Variants in TRAF3IP1 observed in about 807,000 individuals in gnomAD.
TRAF3IP1 encodes intraflagellar transport 54.
Under a neutral mutation model 89.9 loss-of-function variants are expected in TRAF3IP1, and 53 were observed. The observed-to-expected ratio is 0.59, with a 90% CI of 0.47 to 0.74. The LOEUF is 0.74. Among genes scored for constraint, TRAF3IP1 ranks in the 30% least tolerant of loss-of-function variants. TRAF3IP1 has a pLI of 0.00. For synonymous variants in TRAF3IP1, 311 were observed against 322.1 expected (o/e 0.97, Z 0.37); for missense variants, 806 against 866.1 (o/e 0.93, Z 0.87).
intron 7 of TRAF3IP1, 109 bp downstream of exon 7, chr2:238,334,144 C>G: frequency 1.2e-6 from 1 of 826,032 alleles, no homozygotes; most frequent in South Asian, 1.7e-5. Context: ...GGAAAACAGA[C>G]TTGCTGTGTC....
chr2:238,326,719 C>T (rs549698056), intron 3 of TRAF3IP1, among the ~76,000 whole-genome samples: 1 of 152,036 alleles, frequency 6.6e-6, no homozygotes, highest in East Asian at 1.9e-4. Flanking sequence ...TTTTCACATA[C>T]CTAGTGGGTG....
chr2:238,392,072 A>G (rs1287191018), intron 15 of TRAF3IP1, among the ~76,000 whole-genome samples: 1 of 152,222 alleles, frequency 6.6e-6, no homozygotes, highest in Non-Finnish European at 1.5e-5. Flanking sequence ...ATATCCAGTT[A>G]TAAGAAATAA....
At position 238,348,850 on chromosome 2, in the gene TRAF3IP1, T is replaced by TC. The variant is rs1409039694; in HGVS notation, c.1367+3dup. ...TAATGAGCTTTCATCCAACATCAGG[T>TC]CTGTGTGCTTTGAATCCCTTTCCCT... is the stretch of plus-strand genomic sequence containing the variant. On this transcript the variant is annotated splice_region_variant and intron_variant, in intron 11 of 16. Coordinates refer to ENST00000373327, the MANE Select transcript of TRAF3IP1 (RefSeq NM_015650.4). 4 of 1,613,760 alleles carry TC rather than the reference T, an allele frequency of 2.5e-6. No individual in the cohort carries two copies. Among genetic ancestry groups the TC allele is most frequent in the Middle Eastern group, 1.7e-4 (1 of 6,060 alleles).
At chr2:238,394,521 C>T (rs1247308743) in intron 15 of TRAF3IP1, among the ~76,000 whole-genome samples, 2 of 152,166 alleles carry the variant, frequency 1.3e-5, no homozygotes, top group African/African-American at 4.8e-5. Context: ...AGATTTACAA[C>T]TAAGGATAGT....
At position 238,366,719 on chromosome 2, in the gene TRAF3IP1, T is replaced by TA. The variant is rs762790497; in HGVS notation, c.1689+10648dup. 1.7e-3 allele frequency among the ~76,000 whole-genome samples: 260 copies of TA among 151,808 alleles called. 1 individual carries two copies. The highest frequency in any genetic ancestry group is 0.01 in the Middle Eastern group (3 of 294). ...CCAGTACCCTTTTCTGTGCTTTGCA[T>TA]AAAAAAAAATCTTTATTTTTGATTG... On this transcript the variant is annotated intron_variant, in intron 15 of 16. Coordinates refer to ENST00000373327, the MANE Select transcript of TRAF3IP1 (RefSeq NM_015650.4).
intron 1 of TRAF3IP1, among the ~76,000 whole-genome samples, chr2:238,324,412 A>G (rs1402217466): frequency 6.6e-6 from 1 of 151,850 alleles, no homozygotes; most frequent in East Asian, 1.9e-4. Context: ...ATTGCACCTG[A>G]AGGACTCTTG....
In TRAF3IP1 at chr2:238,320,582, C is replaced by T. The variant is rs1697469107; in HGVS notation, c.-81C>T. 2 of 1,079,240 alleles carry T rather than the reference C, an allele frequency of 1.9e-6. No homozygotes were observed. The highest frequency in any genetic ancestry group is 2.2e-6 in the Non-Finnish European group (2 of 889,894). The allele number at this position is 1,079,240 out of a possible 1,614,324, so 66.9% of individuals were successfully genotyped here. A position where few individuals can be genotyped will look rare whatever the true frequency, so the allele number is the denominator to read the frequency against. On this transcript the variant is annotated 5_prime_UTR_variant, in exon 1 of 17. Transcript: ENST00000373327. Reference sequence around the variant, plus strand: ...GACCGGGCGGCGGCGGCGGCGGGGCCGGCGGCGGCCAGGGACCCGGGCTTA... The same window carrying T: ...GACCGGGCGGCGGCGGCGGCGGGGCTGGCGGCGGCCAGGGACCCGGGCTTA...
intron 15 of TRAF3IP1, among the ~76,000 whole-genome samples, chr2:238,362,654 A>G (rs895279925): frequency 6.6e-6 from 1 of 152,278 alleles, no homozygotes; most frequent in African/African-American, 2.4e-5. Flanking sequence ...GCTAGAACTT[A>G]GTCACAAAGG....
intron 15 of TRAF3IP1, among the ~76,000 whole-genome samples, chr2:238,393,349 G>C (rs149869908): frequency 6.6e-6 from 1 of 152,168 alleles, no homozygotes; most frequent in African/African-American, 2.4e-5. Context: ...TCAGTGAAAT[G>C]TGTCTTTTGC....
intron 15 of TRAF3IP1, among the ~76,000 whole-genome samples, chr2:238,373,565 G>A (rs1413154659): frequency 7.2e-5 from 11 of 152,156 alleles, no homozygotes; most frequent in African/African-American, 1.4e-4. Flanking sequence ...GTCAGGTAGC[G>A]TGATGCCTCC....
chr2:238,380,190 A>C (rs552257903), intron 15 of TRAF3IP1, among the ~76,000 whole-genome samples: 7 of 152,250 alleles, frequency 4.6e-5, no homozygotes, highest in Non-Finnish European at 8.8e-5. Context: ...GTCTCTGGGC[A>C]GGTGCTGGCG....
Position 238,374,897 on chromosome 2 carries a change from A to G in TRAF3IP1, c.1689+18817A>G, listed in dbSNP as rs572730974. Among the ~76,000 whole-genome samples, 20 of 151,552 alleles carry G rather than the reference A, an allele frequency of 1.3e-4. No individual in the cohort carries two copies. In the East Asian group the frequency reaches 3.7e-3, roughly 28 times the overall value. On this transcript the variant is annotated intron_variant, in intron 15 of 16. Coordinates refer to ENST00000373327, the MANE Select transcript of TRAF3IP1 (RefSeq NM_015650.4). The stretch of plus-strand genomic sequence containing the variant: ...CCAGGAATTTATCTATTTTTTCTAG[A>G]TTTTCTAGTTTATTTGTGTAGAGGT...
chr2:238,397,647 G>A lies in TRAF3IP1; in HGVS notation c.1878G>A (p.Arg626=), dbSNP rs750277603. Reference sequence around the variant, plus strand: ...TGCAGATGTGGCACAGCGAGAACAGGCAGCACGCCGAGGCCCTGCAGCAGG... The same window carrying A: ...TGCAGATGTGGCACAGCGAGAACAGACAGCACGCCGAGGCCCTGCAGCAGG... The part of the protein sequence containing the change: ...NELQMWHSEN[R]QHAEALQQEQ... The change falls in exon 16 of 17, where the codon AGG becomes AGA. Residue 626 remains arginine (R), a synonymous_variant. Coordinates refer to ENST00000373327, the MANE Select transcript of TRAF3IP1 (RefSeq NM_015650.4). 3.7e-6 allele frequency: 6 copies of A among 1,610,748 alleles called. No homozygotes were observed. Among genetic ancestry groups the A allele is most frequent in the East Asian group, 2.2e-5 (1 of 44,814 alleles).
At position 238,320,537 on chromosome 2, in the gene TRAF3IP1, G is replaced by T. The variant is rs570094849; in HGVS notation, c.-126G>T. 2.0e-6 allele frequency: 2 copies of T among 1,017,466 alleles called. No individual in the cohort carries two copies. Among genetic ancestry groups the T allele is most frequent in the Non-Finnish European group, 2.4e-6 (2 of 850,622 alleles). The allele number at this position is 1,017,466 out of a possible 1,614,324, so 63.0% of individuals were successfully genotyped here. A position where few individuals can be genotyped will look rare whatever the true frequency, so the allele number is the denominator to read the frequency against. ...TCCGGTGCACTGTGGGATGGAAACC[G>T]GAGCGGCGCGTCCTGGCAGGACCGG... On this transcript the variant is annotated 5_prime_UTR_variant, in exon 1 of 17. The change creates a premature stop within an existing upstream ORF in the 5' untranslated region. Transcript: ENST00000373327.
chr2:238,347,140 C>A, intron 9 of TRAF3IP1: 1 of 308,230 alleles, frequency 3.2e-6, no homozygotes, highest in Non-Finnish European at 6.0e-6. Context: ...TTCTGTGGCT[C>A]TGGCTTTGTC....
At chr2:238,387,737 TA>T (rs1423074872) in intron 15 of TRAF3IP1, among the ~76,000 whole-genome samples, 2 of 152,228 alleles carry the variant, frequency 1.3e-5, no homozygotes, top group Non-Finnish European at 2.9e-5. Flanking sequence ...AATAAAACAC[TA>T]TTCAGAAACG....
intron 15 of TRAF3IP1, among the ~76,000 whole-genome samples, chr2:238,359,821 T>A (rs191978819): frequency 1.6e-3 from 243 of 152,324 alleles, no homozygotes; most frequent in Middle Eastern, 3.4e-3. Flanking sequence ...AAACCCTGTA[T>A]ATACCATGTT....
intron 15 of TRAF3IP1, among the ~76,000 whole-genome samples, chr2:238,388,924 C>T (rs543085787): frequency 6.6e-5 from 10 of 152,312 alleles, no homozygotes; most frequent in African/African-American, 1.9e-4. Flanking sequence ...TGAGCCACTG[C>T]GCCCAGCCTA....
At chr2:238,371,188 A>G (rs1700097143) in intron 15 of TRAF3IP1, among the ~76,000 whole-genome samples, 1 of 152,214 alleles carries the variant, frequency 6.6e-6, no homozygotes, top group Non-Finnish European at 1.5e-5. Context: ...TTGACCTTCT[A>G]TGAGTCTGCA....
Sources: allele counts gnomAD v4.1 joint callset (sites outside exome capture counted in the v4.1 genomes callset), GRCh38; gene constraint gnomAD v4.1.1; transcripts MANE v1.5; gene names NCBI Gene and HGNC (gene_info 2026-07-23, HGNC 2026-07-21).